The following CACNB2 variants were observed in gnomAD, a reference collection of about 807,000 sequenced individuals.
CACNB2 encodes voltage-dependent L-type calcium channel subunit beta-2.
In CACNB2, 42 loss-of-function variants were observed where a neutral mutation model predicts 73.3. That is an observed-to-expected ratio of 0.57 (90% CI 0.45 to 0.74). The LOEUF (loss-of-function observed/expected upper bound fraction) is 0.74. Ranked by LOEUF, CACNB2 falls within the 30% of genes least tolerant of loss-of-function variation. The pLI, the probability that CACNB2 is intolerant of heterozygous loss-of-function variation, is 0.00. For synonymous variants in CACNB2, 348 were observed against 310.3 expected (o/e 1.12, Z -1.28); for missense variants, 940 against 853.0 (o/e 1.10, Z -1.27).
intron 3 of CACNB2, among the ~76,000 whole-genome samples, chr10:18,491,049 G>C (rs1440839886): frequency 6.6e-6 from 1 of 152,070 alleles, no homozygotes; most frequent in Non-Finnish European, 1.5e-5. Context: ...CACTGTTCCT[G>C]GTGTTCCCGT....
At chr10:18,223,485 G>T (rs1198341376) in intron 2 of CACNB2, among the ~76,000 whole-genome samples, 1 of 152,110 alleles carries the variant, frequency 6.6e-6, no homozygotes, top group Non-Finnish European at 1.5e-5. Context: ...ATTATTTAAT[G>T]TATTTTACAC....
chr10:18,250,297 G>A (rs187948067), intron 2 of CACNB2, among the ~76,000 whole-genome samples: 2 of 152,332 alleles, frequency 1.3e-5, no homozygotes, highest in Admixed American at 1.3e-4. Flanking sequence ...AGAAGAAAAT[G>A]CAGTCCTTGT....
chr10:18,252,807 G>A (rs935500470), intron 2 of CACNB2, among the ~76,000 whole-genome samples: 1 of 152,188 alleles, frequency 6.6e-6, no homozygotes, highest in Non-Finnish European at 1.5e-5. Flanking sequence ...TATAAGGTGG[G>A]AATGTTTTTG....
chr10:18,243,433 A>G (rs2036738934), intron 2 of CACNB2, among the ~76,000 whole-genome samples: 1 of 152,180 alleles, frequency 6.6e-6, no homozygotes, highest in Non-Finnish European at 1.5e-5. Context: ...GAGAATGGTG[A>G]AAGAGACTCA....
At chr10:18,384,506 G>A (rs890649119) in intron 2 of CACNB2, among the ~76,000 whole-genome samples, 4 of 151,764 alleles carry the variant, frequency 2.6e-5, no homozygotes, top group South Asian at 2.1e-4. Flanking sequence ...GGGGTAGATC[G>A]CTTGAGCTCA....
At chr10:18,278,730 A>G (rs912092239) in intron 2 of CACNB2, among the ~76,000 whole-genome samples, 1 of 152,046 alleles carries the variant, frequency 6.6e-6, no homozygotes, top group Non-Finnish European at 1.5e-5. Context: ...TTTTTTAAAA[A>G]AACTTCTAGG....
At chr10:18,246,603 C>T (rs1438063734) in intron 2 of CACNB2, among the ~76,000 whole-genome samples, 1 of 151,990 alleles carries the variant, frequency 6.6e-6, no homozygotes, top group East Asian at 1.9e-4. Context: ...TGTTTACAGT[C>T]AGGGTCTCAC....
At chr10:18,399,007 C>A (rs1198101114) in intron 2 of CACNB2, among the ~76,000 whole-genome samples, 3 of 152,092 alleles carry the variant, frequency 2.0e-5, no homozygotes, top group Non-Finnish European at 2.9e-5. Flanking sequence ...AATGCGACCG[C>A]GGGAATGAGA....
At chr10:18,190,495 A>G (rs2034348498) in intron 2 of CACNB2, among the ~76,000 whole-genome samples, 2 of 152,206 alleles carry the variant, frequency 1.3e-5, no homozygotes, top group Non-Finnish European at 2.9e-5. Flanking sequence ...TTCAAACAAG[A>G]ATTGAATGCT....
chr10:18,358,907 C>T (rs11593936), intron 2 of CACNB2, among the ~76,000 whole-genome samples: 4,062 of 152,178 alleles, frequency 0.027, 81 homozygotes, highest in Middle Eastern at 0.044. Context: ...TGCTGCTGTT[C>T]TTTTCATAAA....
chr10:18,290,106 CTTTTTCTTTTTT>C (rs1361263444), intron 2 of CACNB2, among the ~76,000 whole-genome samples: 2 of 40,094 alleles, frequency 5.0e-5, no homozygotes, highest in African/African-American at 7.8e-5. Flanking sequence ...TTTCTTTTTT[CTTTTTCTTTTTT>C]TTTTTTTTTT....
chr10:18,258,791 A>G (rs1233641941), intron 2 of CACNB2, among the ~76,000 whole-genome samples: 1 of 152,176 alleles, frequency 6.6e-6, no homozygotes, highest in Non-Finnish European at 1.5e-5. Flanking sequence ...GTGTTCTTTT[A>G]TATTACTTAG....
At chr10:18,220,643 G>A (rs1160447045) in intron 2 of CACNB2, among the ~76,000 whole-genome samples, 1 of 152,078 alleles carries the variant, frequency 6.6e-6, no homozygotes, top group Non-Finnish European at 1.5e-5. Context: ...TGGTCTGTTA[G>A]GAACCAGGCC....
intron 6 of CACNB2, among the ~76,000 whole-genome samples, chr10:18,509,315 T>TA (rs1308421581): frequency 6.6e-6 from 1 of 152,178 alleles, no homozygotes; most frequent in Non-Finnish European, 1.5e-5. Flanking sequence ...CCAAAGAATA[T>TA]AAGTATCTGC....
intron 2 of CACNB2, among the ~76,000 whole-genome samples, chr10:18,322,476 C>G (rs1300112516): frequency 6.6e-6 from 1 of 152,060 alleles, no homozygotes. Flanking sequence ...GTTTGTTGTC[C>G]TACAAAACAT....
chr10:18,279,252 G>A (rs781072458), intron 2 of CACNB2, among the ~76,000 whole-genome samples: 3 of 152,002 alleles, frequency 2.0e-5, no homozygotes, highest in African/African-American at 2.4e-5. Flanking sequence ...CCTCCCTCCC[G>A]GATCTCCCCA....
At chr10:18,140,985 C>CCT in intron 1 of CACNB2, 129 bp downstream of exon 1, 1 of 1,520,620 alleles carries the variant, frequency 6.6e-7, no homozygotes, top group Non-Finnish European at 8.8e-7. Flanking sequence ...GCCTGCCCAC[C>CCT]CTCTGCTCCT....
Position 18,335,466 on chromosome 10 carries a change from G to A in CACNB2, c.214-66458G>A, listed in dbSNP as rs1227369305. Among the ~76,000 whole-genome samples the A allele has an allele frequency of 2.6e-5, 4 of 152,128 alleles. No individual in the cohort carries two copies. The East Asian group carries it at 7.7e-4, about 29-fold the overall frequency. ...TAATTAGCCAGGCATGGCGGAGCAT[G>A]CCTTTAATCCCAGCTACCTCAGGAG... On this transcript the variant is annotated intron_variant, in intron 2 of 13. Transcript: ENST00000324631.
chr10:18,452,272 A>C (rs2047053335), intron 3 of CACNB2, among the ~76,000 whole-genome samples: 1 of 152,118 alleles, frequency 6.6e-6, no homozygotes, highest in East Asian at 1.9e-4. Flanking sequence ...AATAGAAAAA[A>C]AATTGAATGG....
Sources: allele counts gnomAD v4.1 joint callset (sites outside exome capture counted in the v4.1 genomes callset), GRCh38; gene constraint gnomAD v4.1.1; transcripts MANE v1.5; gene names NCBI Gene and HGNC (gene_info 2026-07-23, HGNC 2026-07-21).